RGMA: variants seen among roughly 807,000 people sequenced by gnomAD.
The protein encoded by RGMA is repulsive guidance molecule A.
A neutral mutation model predicts 23.2 loss-of-function variants in RGMA; 10 were observed. That is an observed-to-expected ratio of 0.43 (90% CI 0.27 to 0.73). RGMA has a LOEUF of 0.73. Ranked by LOEUF, RGMA falls within the 30% of genes least tolerant of loss-of-function variation. The pLI is 0.20. For synonymous variants in RGMA, 308 were observed against 279.3 expected, an observed-to-expected ratio of 1.10 and a Z score of -1.03; for missense variants, 547 against 630.5, an observed-to-expected ratio of 0.87 and a Z score of 1.42.
intron 1 of RGMA, among the ~76,000 whole-genome samples, chr15:93,074,958 C>T (rs1218582687): frequency 6.6e-6 from 1 of 152,192 alleles, no homozygotes; most frequent in East Asian, 1.9e-4. Flanking sequence ...CAGTAATTAA[C>T]CACCGTCACT....
chr15:93,066,162 G>T, intron 2 of RGMA: 1 of 1,365,588 alleles, frequency 7.3e-7, no homozygotes, highest in Non-Finnish European at 1.0e-6. Flanking sequence ...TTACATTAGC[G>T]GCTTCTGCAC....
rs1303409115 is a variant in RGMA at position 93,052,070 on chromosome 15, T to C, written c.568A>G (p.Ile190Val). The change falls in exon 3 of 4, where the codon ATC becomes GTC. Residue 190 changes from isoleucine to valine, a missense_variant. Physicochemically the swap from Ile to Val is conservative, Grantham distance 29. Transcript: ENST00000329082. ...TGCACGTTCAGGTAATTATTGTCGA[T>C]GAGCGGCCAGGCGCCCTGCACCTTG... ...TCKVQGAWPL[I>V]DNNYLNVQVT... The C allele has an allele frequency of 3.1e-6, 5 of 1,613,062 alleles. No homozygotes were observed. The highest frequency in any genetic ancestry group is 1.3e-5 in the African/African-American group (1 of 75,038).
chr15:93,072,973 G>GTCC lies in RGMA; in HGVS notation c.70_72dup (p.Gly24dup). The stretch of plus-strand genomic sequence containing the variant: ...GTCGGCCAGAATCCCAGGGCTGAAC[G>GTCC]TCCTGCCCCTCTCCCCATACCCATC... On this transcript the variant is annotated inframe_insertion, in exon 2 of 4. Transcript: ENST00000329082. 6.2e-7 allele frequency: 1 copy of GTCC among 1,611,054 alleles called. No individual in the cohort carries two copies. The highest frequency in any genetic ancestry group is 8.5e-7 in the Non-Finnish European group (1 of 1,178,968).
chr15:93,088,573 G>C, intron 1 of RGMA: 1 of 1,049,754 alleles, frequency 9.5e-7, no homozygotes, highest in African/African-American at 1.7e-5. Context: ...CGGGACAGTC[G>C]GGTGGCCGGC....
intron 1 of RGMA, 122 bp from the exon 2 acceptor site, chr15:93,073,153 G>GCGCGCTCCCCTTCCCGCGCCGCCCCC: frequency 1.6e-5 from 20 of 1,233,108 alleles, no homozygotes; most frequent in Non-Finnish European, 1.9e-5. Flanking sequence ...CGGGCGCCCG[G>GCGCGCTCCCCTTCCCGCGCCGCCCCC]CGCGCTCCCC....
rs562243157 is a variant in RGMA at position 93,047,039 on chromosome 15, A to G, written c.646-1334T>C. Reference sequence around the variant, plus strand: ...CTCAATTTTCCGGATGAGAAAATGTAGGCTCAGAGAGAGGCAGTAACTTGC... The same window carrying G: ...CTCAATTTTCCGGATGAGAAAATGTGGGCTCAGAGAGAGGCAGTAACTTGC... On this transcript the variant is annotated intron_variant, in intron 3 of 3. Transcript: ENST00000329082. Among the ~76,000 whole-genome samples, 232 of 152,366 alleles carry G rather than the reference A, an allele frequency of 1.5e-3. 1 individual carries two copies. The highest frequency in any genetic ancestry group is 5.4e-3 in the African/African-American group (226 of 41,594).
intron 1 of RGMA, chr15:93,073,619 C>T: frequency 1.3e-6 from 2 of 1,537,018 alleles, no homozygotes; most frequent in South Asian, 2.4e-5. Context: ...GCTCATCAGT[C>T]GCACTCAGAC....
intron 2 of RGMA, among the ~76,000 whole-genome samples, chr15:93,058,936 A>G (rs1023899707): frequency 1.3e-5 from 2 of 152,216 alleles, no homozygotes; most frequent in African/African-American, 2.4e-5. Flanking sequence ...CCAGAAAACA[A>G]AACATGATCG....
rs1555451795 is a variant in RGMA, at chr15:93,087,470, A to AAAAAAAC, written c.14+1448_14+1449insGTTTTTT. 2.7e-5 allele frequency among the ~76,000 whole-genome samples: 4 copies of AAAAAAAC among 149,354 alleles called. No individual in the cohort carries two copies. In the South Asian group the frequency reaches 6.3e-4, roughly 23 times the overall value. On this transcript the variant is annotated intron_variant, in intron 1 of 3. Transcript: ENST00000329082. Reference sequence around the variant, plus strand: ...AACCCCTTCTTTGTATGTGCAAAAAAAAAAAAAAAAAAAACCACAAAACCC... The same window carrying AAAAAAAC: ...AACCCCTTCTTTGTATGTGCAAAAAAAAAAAACAAAAAAAAAAAAAACCACAAAACCC...
At chr15:93,058,305 C>A (rs761472675) in intron 2 of RGMA, among the ~76,000 whole-genome samples, 53 of 152,144 alleles carry the variant, frequency 3.5e-4, no homozygotes, top group African/African-American at 1.1e-3. Context: ...GCATCGAGAT[C>A]AACTCCAGCT....
chr15:93,061,508 T>A lies in RGMA; in HGVS notation c.131-9001A>T, dbSNP rs375485254. Among the ~76,000 whole-genome samples the A allele has an allele frequency of 1.2e-3, 190 of 152,326 alleles. 2 individuals are homozygous for A. Among genetic ancestry groups the A allele is most frequent in the South Asian group, 4.8e-3 (23 of 4,826 alleles). Reference sequence around the variant, plus strand: ...CACCCAGGACCCTGTGCCCGGGAGATGCACTTGCCCCACAACTCACATAAA... The same window carrying A: ...CACCCAGGACCCTGTGCCCGGGAGAAGCACTTGCCCCACAACTCACATAAA... On this transcript the variant is annotated intron_variant, in intron 2 of 3. Transcript: ENST00000329082.
At chr15:93,050,759 A>T (rs2054904377) in intron 3 of RGMA, among the ~76,000 whole-genome samples, 1 of 152,028 alleles carries the variant, frequency 6.6e-6, no homozygotes, top group Non-Finnish European at 1.5e-5. Context: ...CATCCCTCTC[A>T]CATCCTCAGA....
At chr15:93,071,566 A>C (rs1335451587) in intron 2 of RGMA, among the ~76,000 whole-genome samples, 1 of 152,150 alleles carries the variant, frequency 6.6e-6, no homozygotes, top group African/African-American at 2.4e-5. Flanking sequence ...AGTAAGCCGG[A>C]CGCACAAGTC....
intron 2 of RGMA, among the ~76,000 whole-genome samples, chr15:93,060,340 G>A (rs993226751): frequency 2.0e-5 from 3 of 152,228 alleles, no homozygotes; most frequent in Non-Finnish European, 2.9e-5. Flanking sequence ...CAGGTCTCTT[G>A]AGGCCTTGAA....
At position 93,036,068 on chromosome 15, in the gene RGMA, AAG is replaced by A; in HGVS notation, c.*8928_*8929del. 6.6e-6 allele frequency: 1 copy of A among 152,234 alleles called. No homozygotes were observed. The highest frequency in any genetic ancestry group is 2.4e-5 in the African/African-American group (1 of 41,452). 9.4% of individuals were successfully genotyped at this position (152,234 alleles called of 1,614,324 possible). On this transcript the variant is annotated 3_prime_UTR_variant, in exon 4 of 4. Coordinates refer to ENST00000329082, the MANE Select transcript of RGMA (RefSeq NM_020211.3). The stretch of plus-strand genomic sequence containing the variant: ...GTGTAACTCGTGTTGTTACATATGT[AAG>A]TATGATTACACGTGTAATCACACAT...
chr15:93,087,473 A>AAAAC (rs1555451810), intron 1 of RGMA, among the ~76,000 whole-genome samples: 3 of 150,732 alleles, frequency 2.0e-5, no homozygotes, highest in Non-Finnish European at 3.0e-5. Context: ...GCAAAAAAAA[A>AAAAC]AAAAAAAAAA....
intron 2 of RGMA, among the ~76,000 whole-genome samples, chr15:93,058,576 T>C (rs927789128): frequency 2.0e-5 from 3 of 152,254 alleles, no homozygotes; most frequent in Non-Finnish European, 4.4e-5. Flanking sequence ...ACATTGTACA[T>C]GTGTCTCCTT....
At chr15:93,076,992 G>A (rs984459566) in intron 1 of RGMA, among the ~76,000 whole-genome samples, 2 of 152,218 alleles carry the variant, frequency 1.3e-5, no homozygotes, top group Non-Finnish European at 2.9e-5. Context: ...TGCAGGGAGG[G>A]GAAAGAAGCT....
Position 93,040,093 on chromosome 15 carries a change from C to T in RGMA, c.*4905G>A, listed in dbSNP as rs1308168712. The T allele has an allele frequency of 6.6e-6, 1 of 152,214 alleles. No homozygotes were observed. Among genetic ancestry groups the T allele is most frequent in the Non-Finnish European group, 1.5e-5 (1 of 68,042 alleles). 9.4% of individuals were successfully genotyped at this position (152,214 alleles called of 1,614,324 possible). ...GTGTGACGGCAGGCACCTGTAATCC[C>T]AGCTACTTGAGTGGCTGAAGTGGGA... On this transcript the variant is annotated 3_prime_UTR_variant, in exon 4 of 4. Coordinates refer to ENST00000329082, the MANE Select transcript of RGMA (RefSeq NM_020211.3).
Sources: gnomAD v4.1 joint callset for allele counts (sites outside exome capture counted in the v4.1 genomes callset) on GRCh38, gnomAD v4.1.1 for gene constraint, MANE v1.5 for transcripts, NCBI Gene and HGNC (gene_info 2026-07-23, HGNC 2026-07-21) for gene names.